The following ACOXL variants were observed in gnomAD, a reference collection of about 807,000 sequenced individuals.
ACOXL encodes acyl-CoA oxidase like, also known as acyl-coenzyme A oxidase-like protein.
ACOXL carries 70 observed loss-of-function variants against 71.9 expected under a neutral mutation model. The observed-to-expected ratio is 0.97, with a 90% CI of 0.80 to 1.19. The LOEUF (loss-of-function observed/expected upper bound fraction) is 1.19. ACOXL is among the 50% of genes most tolerant of loss of function. The probability of loss-of-function intolerance (pLI) is 0.00; values close to 1 mark genes in which losing one functional copy is unlikely to be tolerated. For synonymous variants in ACOXL, 253 were observed against 281.6 expected, an observed-to-expected ratio of 0.90 and a Z score of 1.02; for missense variants, 703 against 736.3, an observed-to-expected ratio of 0.95 and a Z score of 0.52.
intron 1 of ACOXL, among the ~76,000 whole-genome samples, chr2:110,739,835 C>G (rs1285999402): frequency 2.6e-5 from 4 of 152,212 alleles, no homozygotes; most frequent in African/African-American, 9.7e-5. Context: ...CTTGCCTGTT[C>G]ACTGTCTAGG....
rs1574078542 is a variant in ACOXL, at chr2:110,908,822, G to A, written c.822G>A (p.Glu274=). 6.2e-7 allele frequency: 1 copy of A among 1,614,130 alleles called. No homozygotes were observed. Among genetic ancestry groups the A allele is most frequent in the South Asian group, 1.1e-5 (1 of 91,056 alleles). ...AGTTTGGGCCCAAAACCAAGGAAGA[G>A]GTGAAGATCATTGAGCACCAAACAC... is the stretch of plus-strand genomic sequence containing the variant. ...RRQFGPKTKE[E]VKIIEHQTQT... Residue 274 remains glutamate, a synonymous_variant, in exon 11 of 18, where the codon GAG becomes GAA. Transcript: ENST00000439055.
intron 17 of ACOXL, among the ~76,000 whole-genome samples, chr2:111,105,385 T>C (rs2069466607): frequency 6.6e-6 from 1 of 152,140 alleles, no homozygotes; most frequent in Non-Finnish European, 1.5e-5. Flanking sequence ...GGGATTTTGA[T>C]AGGTATTGCA....
chr2:110,996,158 C>T (rs1392588677), intron 14 of ACOXL, among the ~76,000 whole-genome samples, 154 bp downstream of exon 14: 1 of 152,162 alleles, frequency 6.6e-6, no homozygotes, highest in Non-Finnish European at 1.5e-5. Context: ...TTGCATGATA[C>T]CGTTGCTTGC....
intron 10 of ACOXL, among the ~76,000 whole-genome samples, chr2:110,861,524 A>G (rs1452109890): frequency 6.6e-6 from 1 of 151,960 alleles, no homozygotes; most frequent in Non-Finnish European, 1.5e-5. Context: ...TTCCCCTCAC[A>G]TAGGTTCTGC....
chr2:110,859,265 G>A (rs1693649848), intron 10 of ACOXL, among the ~76,000 whole-genome samples: 3 of 148,578 alleles, frequency 2.0e-5, no homozygotes, highest in Admixed American at 2.0e-4. Context: ...GGTGGCTTTT[G>A]TGGCAGTTGT....
intron 11 of ACOXL, among the ~76,000 whole-genome samples, chr2:110,911,259 G>A (rs987146105): frequency 2.0e-5 from 3 of 151,894 alleles, no homozygotes; most frequent in African/African-American, 7.3e-5. Flanking sequence ...AAAATCCCAG[G>A]CCTAAACAGC....
At chr2:110,968,656 G>A in intron 12 of ACOXL, 2 of 1,091,300 alleles carry the variant, frequency 1.8e-6, no homozygotes, top group Admixed American at 2.3e-5. Context: ...TTGCCCAGAA[G>A]AAAGATCAGA....
intron 14 of ACOXL, among the ~76,000 whole-genome samples, chr2:111,002,525 A>G (rs1002806917): frequency 2.6e-5 from 4 of 152,290 alleles, no homozygotes; most frequent in South Asian, 2.1e-4. Flanking sequence ...TATATGGACA[A>G]TGTCATAATG....
intron 1 of ACOXL, among the ~76,000 whole-genome samples, chr2:110,746,938 A>G (rs1678308114): frequency 6.6e-6 from 1 of 152,106 alleles, no homozygotes; most frequent in Admixed American, 6.5e-5. Context: ...CTTAGGTCAT[A>G]AGTCAAATGT....
At chr2:110,968,755 A>G (rs2062044240) in intron 12 of ACOXL, 1 of 550,752 alleles carries the variant, frequency 1.8e-6, no homozygotes, top group Admixed American at 3.4e-5. Context: ...TTTTTCAGAT[A>G]AAGACAATAA....
At chr2:110,980,222 C>T (rs903628945) in intron 12 of ACOXL, among the ~76,000 whole-genome samples, 1 of 152,234 alleles carries the variant, frequency 6.6e-6, no homozygotes, top group Non-Finnish European at 1.5e-5. Context: ...TCCTGTAGAG[C>T]ACTCAGCACC....
intron 9 of ACOXL, among the ~76,000 whole-genome samples, chr2:110,840,648 AC>A (rs1691050989): frequency 6.6e-6 from 1 of 151,906 alleles, no homozygotes; most frequent in Non-Finnish European, 1.5e-5. Context: ...ATATGATTTG[AC>A]CCCCACTTAT....
chr2:110,812,548 G>C (rs543129083), intron 9 of ACOXL, among the ~76,000 whole-genome samples: 2 of 152,210 alleles, frequency 1.3e-5, no homozygotes, highest in South Asian at 4.1e-4. Context: ...CCCACTATAG[G>C]TGAGAACATG....
intron 14 of ACOXL, among the ~76,000 whole-genome samples, chr2:111,025,951 G>T (rs1414129075): frequency 6.6e-6 from 1 of 152,100 alleles, no homozygotes; most frequent in Non-Finnish European, 1.5e-5. Context: ...AAAGGATAAG[G>T]TTCATTTATT....
intron 10 of ACOXL, among the ~76,000 whole-genome samples, chr2:110,882,788 TATTGATC>T (rs1190312333): frequency 2.6e-5 from 4 of 152,222 alleles, no homozygotes; most frequent in African/African-American, 9.6e-5. Context: ...TCAGGCCTTT[TATTGATC>T]ATTGATCTAA....
chr2:110,769,769 G>A (rs1559238431), intron 2 of ACOXL, among the ~76,000 whole-genome samples: 1 of 152,208 alleles, frequency 6.6e-6, no homozygotes, highest in Non-Finnish European at 1.5e-5. Flanking sequence ...AGGAGGCGGA[G>A]GTTGCGGTGA....
intron 15 of ACOXL, among the ~76,000 whole-genome samples, chr2:111,039,493 GA>G (rs1342287111): frequency 6.6e-6 from 1 of 152,122 alleles, no homozygotes; most frequent in African/African-American, 2.4e-5. Flanking sequence ...CAGAATGTTA[GA>G]GGGGGAATAT....
At chr2:110,751,122 C>G (rs1029562896) in intron 1 of ACOXL, among the ~76,000 whole-genome samples, 1 of 151,814 alleles carries the variant, frequency 6.6e-6, no homozygotes, top group South Asian at 2.1e-4. Context: ...CATGGTGAAA[C>G]CCCATCTCTA....
chr2:110,915,463 G>A (rs1456001673), intron 11 of ACOXL, among the ~76,000 whole-genome samples: 2 of 129,228 alleles, frequency 1.5e-5, no homozygotes, highest in East Asian at 4.5e-4. Context: ...TTGCTGTGTT[G>A]CCCAGGCTGG....
Sources: allele counts gnomAD v4.1 joint callset (sites outside exome capture counted in the v4.1 genomes callset), GRCh38; gene constraint gnomAD v4.1.1; transcripts MANE v1.5; gene names NCBI Gene and HGNC (gene_info 2026-07-23, HGNC 2026-07-21).